The following C4orf17 variants were observed in gnomAD, a reference collection of about 807,000 sequenced individuals.
C4orf17 encodes chromosome 4 open reading frame 17.
A neutral mutation model predicts 32.0 loss-of-function variants in C4orf17; 25 were observed. That is an observed-to-expected ratio of 0.78 (90% confidence interval 0.57 to 1.09). The LOEUF is 1.09. Ranked by LOEUF, C4orf17 falls within the 50% of genes least tolerant of loss-of-function variation. The probability of loss-of-function intolerance (pLI) is 0.00; values close to 1 mark genes in which losing one functional copy is unlikely to be tolerated. For synonymous variants in C4orf17, 149 were observed against 145.8 expected (o/e 1.02, Z -0.16); for missense variants, 420 against 420.0 (o/e 1.00, Z 0.00).
chr4:99,522,621 C>T lies in C4orf17; in HGVS notation c.249C>T (p.Tyr83=). The stretch of plus-strand genomic sequence containing the variant: ...GGATACCATTTGCCAATTGCAGTTA[C>T]CCCTCCAGCACTGCAGTCCAGGAGA... ...KNRIPFANCS[Y]PSSTAVQESP... The change falls in exon 3 of 9, where the codon TAC becomes TAT. Residue 83 remains tyrosine (Y), a synonymous_variant. Coordinates refer to ENST00000326581, the MANE Select transcript of C4orf17 (RefSeq NM_032149.3). The T allele has an allele frequency of 6.2e-7, 1 of 1,613,868 alleles. No individual in the cohort carries two copies. Among genetic ancestry groups the T allele is most frequent in the Non-Finnish European group, 8.5e-7 (1 of 1,179,844 alleles).
At chr4:99,518,520 T>A (rs867372343) in intron 2 of C4orf17, among the ~76,000 whole-genome samples, 47 of 36,332 alleles carry the variant, frequency 1.3e-3, no homozygotes, top group South Asian at 4.2e-3. Flanking sequence ...AAAAAAAAAA[T>A]ATATATATAT....
chr4:99,540,583 T>A, intron 8 of C4orf17, 128 bp downstream of exon 8: 1 of 640,822 alleles, frequency 1.6e-6, no homozygotes, highest in South Asian at 2.1e-5. Context: ...AATTTCCAGA[T>A]CAATTCTTGA....
chr4:99,538,806 C>T (rs915801009), intron 6 of C4orf17, among the ~76,000 whole-genome samples: 1 of 152,114 alleles, frequency 6.6e-6, no homozygotes, highest in South Asian at 2.1e-4. Flanking sequence ...ACCTATTAGT[C>T]TGTATTTTAA....
In C4orf17 at chr4:99,537,836, T is replaced by C. The variant is rs573148318; in HGVS notation, c.628+86T>C. ...ATGCCAATATCTGAAGTTTTGTACC[T>C]TGGATTTGCAAAGATAATGTTGCAA... On this transcript the variant is annotated intron_variant, in intron 6 of 8. Transcript: ENST00000326581. 4.3e-4 allele frequency: 412 copies of C among 966,252 alleles called. 1 individual carries two copies. In the South Asian group the frequency reaches 5.3e-3, roughly 12 times the overall value. 59.9% of individuals were successfully genotyped at this position (966,252 alleles called of 1,614,324 possible).
chr4:99,524,475 C>A (rs1723353011), intron 3 of C4orf17, 46 bp from the exon 4 acceptor site: 4 of 1,173,232 alleles, frequency 3.4e-6, no homozygotes, highest in Admixed American at 1.8e-5. Flanking sequence ...GATATAAATT[C>A]TTTTTCAGTT....
intron 5 of C4orf17, among the ~76,000 whole-genome samples, chr4:99,537,439 A>C (rs1219182238): frequency 6.6e-6 from 1 of 151,996 alleles, no homozygotes; most frequent in East Asian, 1.9e-4. Context: ...AGACAAACAC[A>C]CTCCATAGCC....
chr4:99,529,788 A>G, intron 4 of C4orf17, 27 bp from the exon 5 acceptor site: 1 of 1,569,374 alleles, frequency 6.4e-7, no homozygotes, highest in Non-Finnish European at 8.6e-7. Context: ...GCAAATGTAT[A>G]TTGGTTATAT....
At chr4:99,524,163 A>G (rs929197113) in intron 3 of C4orf17, among the ~76,000 whole-genome samples, 5 of 151,820 alleles carry the variant, frequency 3.3e-5, no homozygotes, top group Non-Finnish European at 5.9e-5. Flanking sequence ...TGTATTTTTT[A>G]GTGGAGATGG....
intron 3 of C4orf17, among the ~76,000 whole-genome samples, chr4:99,524,241 T>A (rs569650748): frequency 1.8e-3 from 272 of 152,084 alleles, no homozygotes; most frequent in Middle Eastern, 6.8e-3. Flanking sequence ...TTGGCCTCCC[T>A]AAAATATATA....
At chr4:99,540,604 G>T in intron 8 of C4orf17, 149 bp downstream of exon 8, 1 of 564,364 alleles carries the variant, frequency 1.8e-6, no homozygotes, top group Non-Finnish European at 3.2e-6. Context: ...GAGAGCATCT[G>T]CTTACTTTCT....
chr4:99,522,697 C>T lies in C4orf17; in HGVS notation c.325C>T (p.Arg109Trp), dbSNP rs558922204. Residue 109 changes from arginine (R) to tryptophan (W), a missense_variant, in exon 3 of 9, where the codon CGG becomes TGG. Transcript: ENST00000326581. ...CCCAAACGGTGCCAAAGTGCCTCCACGGCCTCATTCTGGTGAGTTGAGTTA... is the reference window on the plus strand; with the variant it reads ...CCCAAACGGTGCCAAAGTGCCTCCATGGCCTCATTCTGGTGAGTTGAGTTA... The part of the protein sequence containing the change: ...PAPNGAKVPP[R>W]PHSEPSRKIK... 6 of 1,613,150 alleles carry T rather than the reference C, an allele frequency of 3.7e-6. No individual in the cohort carries two copies. Among genetic ancestry groups the T allele is most frequent in the East Asian group, 2.2e-5 (1 of 44,872 alleles).
At chr4:99,520,542 T>G (rs556386442) in intron 2 of C4orf17, among the ~76,000 whole-genome samples, 1 of 152,370 alleles carries the variant, frequency 6.6e-6, no homozygotes, top group African/African-American at 2.4e-5. Flanking sequence ...CTTCACATTT[T>G]CTTATCATAT....
At chr4:99,537,835 C>G in intron 6 of C4orf17, 85 bp downstream of exon 6, 1 of 964,772 alleles carries the variant, frequency 1.0e-6, no homozygotes, top group South Asian at 1.3e-5. Flanking sequence ...AGTTTTGTAC[C>G]TTGGATTTGC....
intron 4 of C4orf17, among the ~76,000 whole-genome samples, 159 bp downstream of exon 4, chr4:99,524,744 G>A (rs2110169282): frequency 6.6e-6 from 1 of 152,210 alleles, no homozygotes; most frequent in East Asian, 1.9e-4. Flanking sequence ...TATTCAAAAT[G>A]CACAATTTAA....
intron 4 of C4orf17, among the ~76,000 whole-genome samples, chr4:99,527,958 C>T (rs1723418047): frequency 6.6e-6 from 1 of 152,200 alleles, no homozygotes; most frequent in South Asian, 2.1e-4. Context: ...AAGTTACTCT[C>T]TTCATCCCTG....
intron 1 of C4orf17, among the ~76,000 whole-genome samples, chr4:99,512,084 A>C (rs973434359): frequency 6.6e-6 from 1 of 152,114 alleles, no homozygotes; most frequent in Admixed American, 6.6e-5. Context: ...TCCCAACAAA[A>C]TCCTGAGATC....
Position 99,522,523 on chromosome 4 carries a change from A to G in C4orf17, c.151A>G (p.Thr51Ala). Residue 51 changes from threonine to alanine, a missense_variant, in exon 3 of 9, where the codon ACT becomes GCT. Coordinates refer to ENST00000326581, the MANE Select transcript of C4orf17 (RefSeq NM_032149.3). ...AGGCTTGAATAACATTCCAATCTGT[A>G]CTGTGAATGATGATGAGAATGCATT... is the stretch of plus-strand genomic sequence containing the variant. ...IKGLNNIPIC[T>A]VNDDENAFGT... 6.2e-7 allele frequency: 1 copy of G among 1,613,726 alleles called. No individual in the cohort carries two copies.
chr4:99,537,220 T>C (rs758449112), intron 5 of C4orf17, among the ~76,000 whole-genome samples: 1 of 152,140 alleles, frequency 6.6e-6, no homozygotes, highest in Non-Finnish European at 1.5e-5. Context: ...CTGTTGTTAA[T>C]TGTATATCAA....
At position 99,542,107 on chromosome 4, in the gene C4orf17, T is replaced by C. The variant is rs1723658615; in HGVS notation, c.1078T>C (p.Ter360GlnextTer3). 1.9e-6 allele frequency: 3 copies of C among 1,612,144 alleles called. No individual in the cohort carries two copies. The highest frequency in any genetic ancestry group is 1.3e-5 in the African/African-American group (1 of 74,854). The change falls in exon 9 of 9, where the codon TAG becomes CAG. Residue 360 changes from the stop codon to glutamine (Q), a stop_lost. Coordinates refer to ENST00000326581, the MANE Select transcript of C4orf17 (RefSeq NM_032149.3). ...RACYPSTHRR[*>Q] ...ATGTTATCCTTCAACACACCGGAGG[T>C]AGAAGTTCTAGACTGGGTGAATTCT...
Sources: gnomAD v4.1 joint callset for allele counts (sites outside exome capture counted in the v4.1 genomes callset) on GRCh38, gnomAD v4.1.1 for gene constraint, MANE v1.5 for transcripts, NCBI Gene and HGNC (gene_info 2026-07-23, HGNC 2026-07-21) for gene names.